CACNA1G: variants seen among roughly 807,000 people sequenced by gnomAD.
CACNA1G encodes voltage-dependent T-type calcium channel subunit alpha-1G.
CACNA1G carries 67 observed loss-of-function variants against 219.4 expected under a neutral mutation model. The observed-to-expected ratio is 0.31, with a 90% CI of 0.25 to 0.37. The LOEUF (loss-of-function observed/expected upper bound fraction) is 0.37. CACNA1G is among the 10% of genes least tolerant of loss of function. CACNA1G has a pLI of 1.00. For missense variants in CACNA1G, 2,380 were observed against 3,231.4 expected, an observed-to-expected ratio of 0.74 and a Z score of 6.39; for synonymous variants, 1,296 against 1,345.3, an observed-to-expected ratio of 0.96 and a Z score of 0.80.
chr17:50,578,045 C>T lies in CACNA1G; in HGVS notation c.1925-143C>T. The T allele has an allele frequency of 1.1e-6, 1 of 923,610 alleles. No individual in the cohort carries two copies. The highest frequency in any genetic ancestry group is 1.5e-6 in the Non-Finnish European group (1 of 649,006). 57.2% of individuals were successfully genotyped at this position (923,610 alleles called of 1,614,324 possible). ...AAGACTGCCCACCTTGCCTGACATT[C>T]AGCACCCCTGGCCCACTAAGTGCCT... On this transcript the variant is annotated intron_variant, in intron 8 of 37. Coordinates refer to ENST00000359106, the MANE Select transcript of CACNA1G (RefSeq NM_018896.5). This position sits in a 1 kb window ranked among gnomAD's most constrained non-coding sequence, Gnocchi z 4.5.
intron 25 of CACNA1G, 135 bp from the exon 26 acceptor site, chr17:50,609,747 C>A: frequency 1.5e-6 from 1 of 681,888 alleles, no homozygotes; most frequent in Non-Finnish European, 2.5e-6. Flanking sequence ...ACATTCAGAG[C>A]CAGCCACCCA....
chr17:50,586,407 C>A (rs1350879270), intron 9 of CACNA1G, among the ~76,000 whole-genome samples: 1 of 152,204 alleles, frequency 6.6e-6, no homozygotes, highest in Non-Finnish European at 1.5e-5. Context: ...GTGCCCTGCA[C>A]ACCCCTTCCC....
At chr17:50,625,248 G>A (rs895691401) in intron 37 of CACNA1G, among the ~76,000 whole-genome samples, 5 of 152,226 alleles carry the variant, frequency 3.3e-5, no homozygotes, top group Admixed American at 6.5e-5. Flanking sequence ...CACCGCGCCC[G>A]GCCCCAGAGC....
In CACNA1G at chr17:50,566,317, A is replaced by G. The variant is rs531018366; in HGVS notation, c.243-2553A>G. Among the ~76,000 whole-genome samples, 40 of 133,872 alleles carry G rather than the reference A, an allele frequency of 3.0e-4. No individual in the cohort carries two copies. The South Asian group carries it at 7.4e-3, about 25-fold the overall frequency. The allele number at this position is 133,872 out of a possible 152,430, so 87.8% of individuals were successfully genotyped here. A position where few individuals can be genotyped will look rare whatever the true frequency, so the allele number is the denominator to read the frequency against. The stretch of plus-strand genomic sequence containing the variant: ...GAGAAGGGTGAAAGACCCCCCCCCC[A>G]TCAATTATTCCTCTATTCAGAGTGT... On this transcript the variant is annotated intron_variant, in intron 1 of 37. Transcript: ENST00000359106.
Position 50,624,364 on chromosome 17 carries a change from C to T in CACNA1G, c.6234C>T (p.Ser2078=), listed in dbSNP as rs370861667. The T allele has an allele frequency of 1.3e-5, 21 of 1,578,542 alleles. No individual in the cohort carries two copies. Among genetic ancestry groups the T allele is most frequent in the African/African-American group, 8.1e-5 (6 of 73,746 alleles). ...GWGLPKAQSG[S]VLSVHSQPAD... ...CCCGCTTCCCTCCCTCCACAGGCTC[C>T]GTCTTGTCCGTTCACTCCCAGCCAG... The change falls in exon 37 of 38, where the codon TCC becomes TCT. Residue 2078 remains serine (S), a synonymous_variant. Coordinates refer to ENST00000359106, the MANE Select transcript of CACNA1G (RefSeq NM_018896.5).
In CACNA1G at chr17:50,578,671, T is replaced by A; in HGVS notation, c.2301+107T>A. On this transcript the variant is annotated intron_variant, in intron 9 of 37. Coordinates refer to ENST00000359106, the MANE Select transcript of CACNA1G (RefSeq NM_018896.5). This position sits in a 1 kb window ranked among gnomAD's most constrained non-coding sequence, Gnocchi z 4.5. Reference sequence around the variant, plus strand: ...CCTCCTGAGCTCAGCTTCCTCTCCATGCTGCTAGCCCACCTGGCAGGTAGG... The same window carrying A: ...CCTCCTGAGCTCAGCTTCCTCTCCAAGCTGCTAGCCCACCTGGCAGGTAGG... 1.7e-6 allele frequency: 2 copies of A among 1,156,056 alleles called. No homozygotes were observed. The highest frequency in any genetic ancestry group is 2.4e-6 in the Non-Finnish European group (2 of 836,412). 71.6% of individuals were successfully genotyped at this position (1,156,056 alleles called of 1,614,324 possible).
chr17:50,626,386 C>T lies in CACNA1G; in HGVS notation c.6769C>T (p.Arg2257Trp), dbSNP rs1444290546. ...YSVEAQSCQR[R>W]PTSWLDEQRR... ...CGTGGAGGCCCAGAGCTGCCAGCGCCGGCCTACGTCCTGGCTGGATGAGCA... is the reference window on the plus strand; with the variant it reads ...CGTGGAGGCCCAGAGCTGCCAGCGCTGGCCTACGTCCTGGCTGGATGAGCA... Residue 2257 changes from arginine (R) to tryptophan (W), a missense_variant, in exon 38 of 38, where the codon CGG becomes TGG. This residue lies in a region of CACNA1G where 672 missense variants were observed against 670.5 expected (regional missense o/e 1.00). Coordinates refer to ENST00000359106, the MANE Select transcript of CACNA1G (RefSeq NM_018896.5). This position sits in a 1 kb window ranked among gnomAD's most constrained non-coding sequence, Gnocchi z 4.3. 15 of 1,611,804 alleles carry T rather than the reference C, an allele frequency of 9.3e-6. No individual in the cohort carries two copies. The highest frequency in any genetic ancestry group is 5.5e-5 in the South Asian group (5 of 91,006).
At chr17:50,577,485 G>A (rs777772593) in intron 8 of CACNA1G, among the ~76,000 whole-genome samples, 33 of 149,528 alleles carry the variant, frequency 2.2e-4, no homozygotes, top group Non-Finnish European at 4.4e-4. Flanking sequence ...TCCATGAAGG[G>A]GTCCAGTGTG....
rs751896733 is a variant in CACNA1G at position 50,605,967 on chromosome 17, G to A, written c.4366G>A (p.Ala1456Thr). Residue 1456 changes from alanine (A) to threonine (T), a missense_variant, in exon 23 of 38, where the codon GCC becomes ACC. This residue lies in a region of CACNA1G where 153 missense variants were observed against 374.9 expected (regional missense o/e 0.41). Transcript: ENST00000359106. ...GAACATCACCAATAAATCGGACTGT[G>A]CCGAGGCCAGTTACCGGTGGGTCCG... ...TRNITNKSDCAEASYRWVRHK... is the reference protein window; with the variant it reads ...TRNITNKSDCTEASYRWVRHK... 19 of 1,613,750 alleles carry A rather than the reference G, an allele frequency of 1.2e-5. No homozygotes were observed. The Admixed American group carries it at 3.2e-4, about 27-fold the overall frequency.
rs796693259 is a variant in CACNA1G at position 50,603,401 on chromosome 17, C to T, written c.4169+202C>T. The stretch of plus-strand genomic sequence containing the variant: ...TAATTTCCCTCCAGGTGCACACCTG[C>T]TTTCCTCCTCTTCAACATGACATAT... On this transcript the variant is annotated intron_variant, in intron 21 of 37. Coordinates refer to ENST00000359106, the MANE Select transcript of CACNA1G (RefSeq NM_018896.5). The surrounding 1 kb of genome is among the most constrained non-coding windows in gnomAD (Gnocchi z 6.4). 1.3e-5 allele frequency among the ~76,000 whole-genome samples: 2 copies of T among 152,186 alleles called. No homozygotes were observed. The highest frequency in any genetic ancestry group is 4.1e-4 in the South Asian group (2 of 4,828).
intron 7 of CACNA1G, among the ~76,000 whole-genome samples, chr17:50,575,205 T>C (rs1174574940): frequency 6.6e-6 from 1 of 152,144 alleles, no homozygotes; most frequent in East Asian, 1.9e-4. Context: ...GGTGTGCGTG[T>C]TTAGGGACAG....
At chr17:50,563,917 C>T (rs1468626423) in intron 1 of CACNA1G, 1 of 152,262 alleles carries the variant, frequency 6.6e-6, no homozygotes, top group Non-Finnish European at 1.5e-5. Flanking sequence ...GCCTCCAGGG[C>T]CTCCCTCTTT....
chr17:50,611,832 G>A (rs143824992), intron 26 of CACNA1G, among the ~76,000 whole-genome samples: 3 of 152,136 alleles, frequency 2.0e-5, no homozygotes, highest in African/African-American at 7.2e-5. Context: ...CTCCTAAGAC[G>A]TGACTCACCC....
At chr17:50,568,556 G>T (rs2144610991) in intron 1 of CACNA1G, among the ~76,000 whole-genome samples, 1 of 152,354 alleles carries the variant, frequency 6.6e-6, no homozygotes, top group South Asian at 2.1e-4. Context: ...AACTCATGGT[G>T]TCTGGCATTT....
intron 9 of CACNA1G, among the ~76,000 whole-genome samples, chr17:50,588,968 T>G (rs1008065669): frequency 2.0e-4 from 31 of 152,284 alleles, no homozygotes; most frequent in Admixed American, 5.2e-4. Flanking sequence ...GCAGGCTTGG[T>G]TGGGCAGCTG....
chr17:50,612,154 A>G (rs2049347021), intron 26 of CACNA1G, among the ~76,000 whole-genome samples: 1 of 152,252 alleles, frequency 6.6e-6, no homozygotes, highest in Non-Finnish European at 1.5e-5. Context: ...AGGTTCTCCT[A>G]CAGCAGTGCA....
At chr17:50,610,070 G>T in intron 26 of CACNA1G, 135 bp downstream of exon 26, 1 of 783,356 alleles carries the variant, frequency 1.3e-6, no homozygotes, top group Non-Finnish European at 2.1e-6. Flanking sequence ...GGGCTGAAGC[G>T]CTGGGCTCTG....
intron 24 of CACNA1G, 178 bp downstream of exon 24, chr17:50,607,167 A>G (rs2048132782): frequency 3.0e-6 from 2 of 664,546 alleles, no homozygotes; most frequent in South Asian, 3.1e-5. Context: ...ATTGGTCTAC[A>G]ACATGTTTAA....
Position 50,626,223 on chromosome 17 carries a change from CA to C in CACNA1G, c.6608del (p.Asn2203ThrfsTer13). The C allele has an allele frequency of 6.2e-7, 1 of 1,613,808 alleles. No homozygotes were observed. Among genetic ancestry groups the C allele is most frequent in the Non-Finnish European group, 8.5e-7 (1 of 1,179,876 alleles). On this transcript the variant is annotated frameshift_variant, in exon 38 of 38. Transcript: ENST00000359106. LOFTEE classifies it high-confidence loss of function. This position sits in a 1 kb window ranked among gnomAD's most constrained non-coding sequence, Gnocchi z 4.3. ...PPAPCPGPEP[N>X]WGKGPPETRS... ...CAGCCCCTTGCCCAGGCCCAGAACC[CA>C]ACTGGGGCAAGGGCCCTCCAGAGAC...
Sources: allele counts gnomAD v4.1 joint callset (sites outside exome capture counted in the v4.1 genomes callset), GRCh38; gene constraint gnomAD v4.1.1; regional missense constraint gnomAD v4.1.1; non-coding constraint Gnocchi (gnomAD v3.1); transcripts MANE v1.5; gene names NCBI Gene and HGNC (gene_info 2026-07-23, HGNC 2026-07-21).